Variants in HACE1 observed in about 807,000 individuals in gnomAD.
HACE1 encodes HECT domain and ankyrin repeat containing E3 ubiquitin protein ligase 1.
In HACE1, 73 loss-of-function variants were observed where a neutral mutation model predicts 118.4. The observed-to-expected ratio is 0.62, with a 90% CI of 0.51 to 0.75. HACE1 has a LOEUF of 0.75. Among genes scored for constraint, HACE1 ranks in the 30% least tolerant of loss-of-function variants. HACE1 has a pLI of 0.00. For missense variants in HACE1, 749 were observed against 1,102.2 expected (o/e 0.68, Z 4.54); for synonymous variants, 368 against 374.8 (o/e 0.98, Z 0.21).
chr6:104,803,333 A>C, intron 7 of HACE1, among the ~76,000 whole-genome samples: 1 of 152,216 alleles, frequency 6.6e-6, no homozygotes. Context: ...CAATCAATAG[A>C]AAAAGAGGGA....
chr6:104,759,857 T>C (rs1026721179), intron 19 of HACE1, among the ~76,000 whole-genome samples: 1 of 151,972 alleles, frequency 6.6e-6, no homozygotes, highest in African/African-American at 2.4e-5. Context: ...AATAAAATTA[T>C]AAAGGGGATA....
Position 104,852,385 on chromosome 6 carries a change from A to G in HACE1, c.77-14T>C. 8.3e-7 allele frequency: 1 copy of G among 1,209,218 alleles called. No homozygotes were observed. The highest frequency in any genetic ancestry group is 1.2e-6 in the Non-Finnish European group (1 of 852,632). 74.9% of individuals were successfully genotyped at this position (1,209,218 alleles called of 1,614,324 possible). A position where few individuals can be genotyped will look rare whatever the true frequency, so the allele number is the denominator to read the frequency against. On this transcript the variant is annotated splice_polypyrimidine_tract_variant and intron_variant, in intron 1 of 23. Transcript: ENST00000262903. ...CAGTTTCATTATCTGAGTAAAAAAA[A>G]ACAAAGAGTTCATTTATCCCCTACT...
chr6:104,847,050 G>A (rs912548014), intron 4 of HACE1, among the ~76,000 whole-genome samples: 2 of 152,168 alleles, frequency 1.3e-5, no homozygotes, highest in African/African-American at 4.8e-5. Context: ...ACTGTTGACA[G>A]AAAGAGTGAT....
At chr6:104,776,969 T>A (rs769452510) in intron 16 of HACE1, 44 bp downstream of exon 16, 1 of 1,364,042 alleles carries the variant, frequency 7.3e-7, no homozygotes, top group South Asian at 1.2e-5. Flanking sequence ...TTTCAATCTT[T>A]CTTTACATAC....
At chr6:104,730,578 T>C in intron 22 of HACE1, 162 bp from the exon 23 acceptor site, 1 of 619,674 alleles carries the variant, frequency 1.6e-6, no homozygotes, top group Non-Finnish European at 2.9e-6. Context: ...GTAAGTTGCT[T>C]TGTGATTAGT....
chr6:104,774,675 C>T (rs1454780639), intron 17 of HACE1, among the ~76,000 whole-genome samples: 5 of 152,164 alleles, frequency 3.3e-5, no homozygotes, highest in African/African-American at 9.7e-5. Flanking sequence ...TGAGCCACCG[C>T]GCCCAAGCAG....
chr6:104,771,882 A>AC (rs747983679), intron 18 of HACE1, 43 bp downstream of exon 18: 4 of 1,392,838 alleles, frequency 2.9e-6, no homozygotes, highest in African/African-American at 2.9e-5. Context: ...TGAAAAAAAA[A>AC]CAATATAAAT....
chr6:104,817,064 G>A (rs1202307884), intron 6 of HACE1, among the ~76,000 whole-genome samples: 1 of 152,166 alleles, frequency 6.6e-6, no homozygotes, highest in Non-Finnish European at 1.5e-5. Context: ...TGATTTTACA[G>A]GCTCATAGGC....
intron 19 of HACE1, among the ~76,000 whole-genome samples, chr6:104,751,980 A>C (rs78571839): frequency 6.6e-6 from 1 of 151,658 alleles, no homozygotes; most frequent in Non-Finnish European, 1.5e-5. Context: ...GGGGAAAAAA[A>C]GACCAAAAAA....
chr6:104,759,305 C>T (rs1779067595), intron 19 of HACE1, among the ~76,000 whole-genome samples: 1 of 152,150 alleles, frequency 6.6e-6, no homozygotes, highest in Non-Finnish European at 1.5e-5. Flanking sequence ...GGAAGTAAAA[C>T]ACTCCTCAGG....
chr6:104,777,246 G>A lies in HACE1; in HGVS notation c.1638C>T (p.His546=). ...GGATATCATTTTCATTCACTGGCCT[G>A]TGCACCATATCTGAATCTGGCTGTC... is the stretch of plus-strand genomic sequence containing the variant. The part of the protein sequence containing the change: ...HSGQPDSDMV[H]RPVNENDILL... Residue 546 remains histidine (H), a synonymous_variant, in exon 15 of 24, where the codon CAC becomes CAT. Coordinates refer to ENST00000262903, the MANE Select transcript of HACE1 (RefSeq NM_020771.4). The A allele has an allele frequency of 6.2e-7, 1 of 1,613,526 alleles. No homozygotes were observed. Among genetic ancestry groups the A allele is most frequent in the Non-Finnish European group, 8.5e-7 (1 of 1,179,458 alleles).
intron 10 of HACE1, among the ~76,000 whole-genome samples, chr6:104,793,035 G>A (rs912123297): frequency 7.9e-5 from 12 of 152,046 alleles, no homozygotes; most frequent in African/African-American, 2.4e-4. Flanking sequence ...TTGGGAGGCC[G>A]AGGCAGGCAG....
intron 4 of HACE1, among the ~76,000 whole-genome samples, chr6:104,844,344 AT>A (rs374033174): frequency 3.1e-3 from 376 of 119,748 alleles, no homozygotes; most frequent in Middle Eastern, 0.013. Flanking sequence ...CATCATAAAC[AT>A]TTTTTTTTTT....
chr6:104,859,151 G>GC lies in HACE1; in HGVS notation c.76+415dup, dbSNP rs141118216. Reference sequence around the variant, plus strand: ...AATAACAAAAATAAAAGCCCGCCTGGCCCCCCGATGCAGCTTAAAGTAAAC... The same window carrying GC: ...AATAACAAAAATAAAAGCCCGCCTGGCCCCCCCGATGCAGCTTAAAGTAAAC... On this transcript the variant is annotated intron_variant, in intron 1 of 23. Coordinates refer to ENST00000262903, the MANE Select transcript of HACE1 (RefSeq NM_020771.4). Among the ~76,000 whole-genome samples, 353 of 152,192 alleles carry GC rather than the reference G, an allele frequency of 2.3e-3. 9 individuals carry two copies. In the East Asian group the frequency reaches 0.054, roughly 23 times the overall value.
chr6:104,774,080 C>CTTTTTTTTTT (rs540039211), intron 17 of HACE1, among the ~76,000 whole-genome samples: 2 of 74,844 alleles, frequency 2.7e-5, no homozygotes, highest in Admixed American at 1.6e-4. Context: ...CATCTTTTCT[C>CTTTTTTTTTT]TTTTTTTTTT....
intron 20 of HACE1, 72 bp downstream of exon 20, chr6:104,750,268 AT>A: frequency 1.6e-6 from 2 of 1,254,880 alleles, no homozygotes; most frequent in Non-Finnish European, 2.3e-6. Context: ...ATACTCCACA[AT>A]TATTTCTGAA....
chr6:104,735,233 C>T (rs1192148680), intron 22 of HACE1, among the ~76,000 whole-genome samples: 1 of 151,760 alleles, frequency 6.6e-6, no homozygotes, highest in Non-Finnish European at 1.5e-5. Context: ...AATATATAAA[C>T]AACACTTAAA....
intron 22 of HACE1, among the ~76,000 whole-genome samples, chr6:104,737,883 A>T (rs1776103320): frequency 6.6e-6 from 1 of 152,222 alleles, no homozygotes; most frequent in East Asian, 1.9e-4. Flanking sequence ...CAGGGCACAG[A>T]CAAACAAAAA....
intron 3 of HACE1, among the ~76,000 whole-genome samples, chr6:104,849,916 C>CTAGGAT (rs1776030158): frequency 6.7e-6 from 1 of 149,978 alleles, no homozygotes; most frequent in East Asian, 2.0e-4. Context: ...TCCCAAAGTG[C>CTAGGAT]TAGGATTACA....
Sources: allele counts gnomAD v4.1 joint callset (sites outside exome capture counted in the v4.1 genomes callset), GRCh38; gene constraint gnomAD v4.1.1; transcripts MANE v1.5; gene names NCBI Gene and HGNC (gene_info 2026-07-23, HGNC 2026-07-21).